The following KIF9 variants were observed in gnomAD, a reference collection of about 807,000 sequenced individuals.
The protein encoded by KIF9 is kinesin family member 9.
KIF9 carries 68 observed loss-of-function variants against 94.8 expected under a neutral mutation model. That is an observed-to-expected ratio of 0.72 (90% confidence interval 0.59 to 0.88). The LOEUF (loss-of-function observed/expected upper bound fraction) is 0.88. Among genes scored for constraint, KIF9 ranks in the 40% least tolerant of loss-of-function variants. The pLI, the probability that KIF9 is intolerant of heterozygous loss-of-function variation, is 0.00. For missense variants in KIF9, 882 were observed against 982.5 expected (o/e 0.90, Z 1.37); for synonymous variants, 343 against 362.1 (o/e 0.95, Z 0.60).
At chr3:47,242,594 G>A (rs1274866572) in intron 16 of KIF9, among the ~76,000 whole-genome samples, 2 of 152,128 alleles carry the variant, frequency 1.3e-5, no homozygotes, top group African/African-American at 2.4e-5. Context: ...TTTCAAAAAT[G>A]TATATATTTT....
chr3:47,244,544 A>T, intron 15 of KIF9: 1 of 475,442 alleles, frequency 2.1e-6, no homozygotes, highest in Non-Finnish European at 3.8e-6. Flanking sequence ...CTGTTTCTTC[A>T]TCAGTGTAAT....
At chr3:47,275,146 T>C (rs1378573058) in intron 3 of KIF9, 179 bp downstream of exon 3, 4 of 574,934 alleles carry the variant, frequency 7.0e-6, no homozygotes, top group African/African-American at 5.7e-5. Flanking sequence ...CCCAGGACAT[T>C]GGATCAAGCC....
Position 47,246,379 on chromosome 3 carries a change from G to A in KIF9, c.1234-127C>T, listed in dbSNP as rs114573602. 968 of 557,760 alleles carry A rather than the reference G, an allele frequency of 1.7e-3. 11 individuals are homozygous for A. The highest frequency in any genetic ancestry group is 0.017 in the African/African-American group (886 of 52,068). 34.6% of individuals were successfully genotyped at this position (557,760 alleles called of 1,614,324 possible). A position where few individuals can be genotyped will look rare whatever the true frequency, so the allele number is the denominator to read the frequency against. On this transcript the variant is annotated intron_variant, in intron 12 of 20. Coordinates refer to ENST00000684063, the MANE Select transcript of KIF9 (RefSeq NM_182902.4). Reference sequence around the variant, plus strand: ...GGACCATCTGTCTCGAGAAGAGGACGTGTGCACACAGCCTCTCAGCGAAGT... The same window carrying A: ...GGACCATCTGTCTCGAGAAGAGGACATGTGCACACAGCCTCTCAGCGAAGT...
intron 8 of KIF9, 121 bp downstream of exon 8, chr3:47,265,609 G>A: frequency 1.0e-6 from 1 of 996,148 alleles, no homozygotes; most frequent in Non-Finnish European, 1.5e-6. Context: ...TGAATGTGCT[G>A]CAGGTGAATC....
chr3:47,252,411 T>C (rs573986506), intron 10 of KIF9, among the ~76,000 whole-genome samples: 14 of 149,978 alleles, frequency 9.3e-5, no homozygotes, highest in African/African-American at 2.5e-4. Context: ...CTGGGCAACA[T>C]AGGGAGACCC....
intron 12 of KIF9, 57 bp from the exon 13 acceptor site, chr3:47,246,309 G>C: frequency 6.9e-7 from 1 of 1,457,330 alleles, no homozygotes; most frequent in Non-Finnish European, 9.5e-7. Context: ...GGGACCAGGG[G>C]GCATCTATGT....
chr3:47,249,325 T>A (rs1700126954), intron 10 of KIF9, among the ~76,000 whole-genome samples: 1 of 151,906 alleles, frequency 6.6e-6, no homozygotes, highest in South Asian at 2.1e-4. Context: ...TTTGTATTTT[T>A]AGTAGAGATG....
chr3:47,254,825 T>C (rs1299450752), intron 10 of KIF9, among the ~76,000 whole-genome samples: 1 of 151,368 alleles, frequency 6.6e-6, no homozygotes, highest in Non-Finnish European at 1.5e-5. Context: ...GACCTTAAGA[T>C]GAAATTTTTA....
chr3:47,243,508 A>G, intron 15 of KIF9: 1 of 322,914 alleles, frequency 3.1e-6, no homozygotes, highest in Non-Finnish European at 5.7e-6. Context: ...AAAAATGGGT[A>G]CAATCTCCAG....
intron 7 of KIF9, 161 bp from the exon 8 acceptor site, chr3:47,266,038 A>G (rs1173113769): frequency 1.5e-6 from 1 of 661,002 alleles, no homozygotes; most frequent in Non-Finnish European, 2.6e-6. Context: ...ATTGTATTCC[A>G]TCTTGGGCTA....
At position 47,248,324 on chromosome 3, in the gene KIF9, C is replaced by G. The variant is rs987508260; in HGVS notation, c.1060-238G>C. ...AACAGTCCCCTGGCCTTTGCTACTG[C>G]CAGTAGAAGAGACAGCACAAGCCAC... On this transcript the variant is annotated intron_variant, in intron 10 of 20. Transcript: ENST00000684063. 1.2e-5 allele frequency: 6 copies of G among 502,506 alleles called. No individual in the cohort carries two copies. In the African/African-American group the frequency reaches 1.2e-4, roughly 10 times the overall value. 31.1% of individuals were successfully genotyped at this position (502,506 alleles called of 1,614,324 possible). A position where few individuals can be genotyped will look rare whatever the true frequency, so the allele number is the denominator to read the frequency against.
intron 9 of KIF9, among the ~76,000 whole-genome samples, chr3:47,260,150 C>T (rs1202619976): frequency 3.9e-4 from 50 of 129,640 alleles, no homozygotes; most frequent in African/African-American, 1.4e-3. Flanking sequence ...AGCAATACTG[C>T]TTTGTAAAGC....
intron 4 of KIF9, 41 bp downstream of exon 4, chr3:47,273,511 G>A: frequency 1.4e-6 from 2 of 1,472,580 alleles, no homozygotes; most frequent in South Asian, 2.5e-5. Context: ...GGCAGAGAGA[G>A]GGAACCTGTG....
In KIF9 at chr3:47,265,752, G is replaced by T; in HGVS notation, c.894C>A (p.Thr298=). The T allele has an allele frequency of 6.2e-7, 1 of 1,614,170 alleles. No homozygotes were observed. The highest frequency in any genetic ancestry group is 8.5e-7 in the Non-Finnish European group (1 of 1,180,016). Reference sequence around the variant, plus strand: ...CACCTAACGAGTCCTTCAGAGCGTGGGTGAGCTTGCACTGCCGAAAGGGGA... The same window carrying T: ...CACCTAACGAGTCCTTCAGAGCGTGTGTGAGCTTGCACTGCCGAAAGGGGA... The part of the protein sequence containing the change: ...DHIPFRQCKL[T]HALKDSLGGN... Residue 298 remains threonine, a synonymous_variant, in exon 8 of 21, where the codon ACC becomes ACA. Coordinates refer to ENST00000684063, the MANE Select transcript of KIF9 (RefSeq NM_182902.4).
chr3:47,233,416 C>G (rs1698763383), intron 20 of KIF9, among the ~76,000 whole-genome samples: 1 of 141,460 alleles, frequency 7.1e-6, no homozygotes, highest in African/African-American at 2.6e-5. Flanking sequence ...AAAAAACCGG[C>G]CAGGTACAAT....
chr3:47,281,134 G>A, intron 1 of KIF9: 1 of 661,264 alleles, frequency 1.5e-6, no homozygotes, highest in Admixed American at 2.2e-5. Context: ...GGTTGGTGAT[G>A]GTAATGGCTG....
intron 18 of KIF9, 123 bp from the exon 19 acceptor site, chr3:47,236,272 C>G (rs1699019703): frequency 1.0e-6 from 1 of 975,728 alleles, no homozygotes; most frequent in South Asian, 1.5e-5. Context: ...TACCCTGTCC[C>G]CATCTCCATC....
intron 17 of KIF9, among the ~76,000 whole-genome samples, chr3:47,237,555 G>C (rs542714587): frequency 6.6e-6 from 1 of 152,222 alleles, no homozygotes; most frequent in South Asian, 2.1e-4. Context: ...AAATAATTTG[G>C]TGTGCAAAGC....
At chr3:47,268,054 T>C (rs1701401224) in intron 5 of KIF9, among the ~76,000 whole-genome samples, 1 of 152,052 alleles carries the variant, frequency 6.6e-6, no homozygotes, top group African/African-American at 2.4e-5. Flanking sequence ...GTATTTTTTG[T>C]AGAGACAGGG....
Sources: gnomAD v4.1 joint callset for allele counts (sites outside exome capture counted in the v4.1 genomes callset) on GRCh38, gnomAD v4.1.1 for gene constraint, MANE v1.5 for transcripts, NCBI Gene and HGNC (gene_info 2026-07-23, HGNC 2026-07-21) for gene names.